INTU: variants seen among roughly 807,000 people sequenced by gnomAD.
INTU encodes the protein inturned planar cell polarity protein.
A neutral mutation model predicts 100.5 loss-of-function variants in INTU; 68 were observed. The observed-to-expected ratio is 0.68, with a 90% confidence interval of 0.56 to 0.83. INTU has a LOEUF of 0.83. Ranked by LOEUF, INTU falls within the 40% of genes least tolerant of loss-of-function variation. The pLI is 0.00. For missense variants in INTU, 1,071 were observed against 1,114.7 expected (o/e 0.96, Z 0.56); for synonymous variants, 357 against 395.7 (o/e 0.90, Z 1.16).
At chr4:127,677,381 C>T (rs1475258063) in intron 6 of INTU, among the ~76,000 whole-genome samples, 3 of 150,670 alleles carry the variant, frequency 2.0e-5, no homozygotes, top group Admixed American at 6.6e-5. Context: ...CCTCACACAG[C>T]AGGGTACTCC....
intron 4 of INTU, among the ~76,000 whole-genome samples, chr4:127,664,880 T>G (rs1728625884): frequency 6.6e-6 from 1 of 152,046 alleles, no homozygotes; most frequent in South Asian, 2.1e-4. Flanking sequence ...GCTATCTTCT[T>G]TAAAAATTTC....
At chr4:127,646,071 C>T (rs1420045189) in intron 2 of INTU, among the ~76,000 whole-genome samples, 6 of 151,632 alleles carry the variant, frequency 4.0e-5, no homozygotes, top group Admixed American at 1.3e-4. Flanking sequence ...GTAATCTCAG[C>T]TGCTGGGGAG....
chr4:127,704,067 G>A (rs1055448916), intron 9 of INTU, among the ~76,000 whole-genome samples, 161 bp from the exon 10 acceptor site: 1 of 152,100 alleles, frequency 6.6e-6, no homozygotes, highest in African/African-American at 2.4e-5. Flanking sequence ...TATGCATATT[G>A]TATTTCATCC....
At chr4:127,685,398 C>G in intron 7 of INTU, 1 of 453,356 alleles carries the variant, frequency 2.2e-6, no homozygotes, top group Non-Finnish European at 4.4e-6. Context: ...GATATCAGCT[C>G]TCTGTTTATC....
intron 1 of INTU, among the ~76,000 whole-genome samples, chr4:127,641,379 C>G (rs1022677815): frequency 6.6e-6 from 1 of 152,222 alleles, no homozygotes; most frequent in African/African-American, 2.4e-5. Context: ...CGCATTTACT[C>G]TGACAACTGC....
intron 4 of INTU, among the ~76,000 whole-genome samples, chr4:127,664,519 C>T (rs1728611248): frequency 6.6e-6 from 1 of 151,858 alleles, no homozygotes. Flanking sequence ...AATATTTATG[C>T]TTTATATATT....
chr4:127,715,051 T>C (rs1426070958), intron 15 of INTU, among the ~76,000 whole-genome samples: 4 of 152,084 alleles, frequency 2.6e-5, no homozygotes, highest in Non-Finnish European at 5.9e-5. Flanking sequence ...CTTATATATA[T>C]GTGTGTGTAT....
chr4:127,649,611 C>T lies in INTU; in HGVS notation c.682+5555C>T, dbSNP rs1373440037. On this transcript the variant is annotated intron_variant, in intron 2 of 15. Transcript: ENST00000335251. The stretch of plus-strand genomic sequence containing the variant: ...CAATGAGCATTTCCTTTGAGGGTCA[C>T]GTTGGTGCTCAAAAAGTTTTGGATT... Among the ~76,000 whole-genome samples the T allele has an allele frequency of 4.6e-5, 7 of 151,870 alleles. No homozygotes were observed. The East Asian group carries it at 1.3e-3, about 29-fold the overall frequency.
chr4:127,664,419 T>C (rs908588350), intron 4 of INTU, among the ~76,000 whole-genome samples: 4 of 152,042 alleles, frequency 2.6e-5, no homozygotes, highest in African/African-American at 9.7e-5. Context: ...CTTTTATTGG[T>C]TTCTTGTCTG....
rs202109717 is a variant in INTU at position 127,633,052 on chromosome 4, G to C, written c.18G>C (p.Ser6=). 3.1e-6 allele frequency: 5 copies of C among 1,613,370 alleles called. No individual in the cohort carries two copies. The highest frequency in any genetic ancestry group is 3.4e-6 in the Non-Finnish European group (4 of 1,179,382). Residue 6 remains serine (S), a synonymous_variant, in exon 1 of 16, where the codon TCG becomes TCC. Coordinates refer to ENST00000335251, the MANE Select transcript of INTU (RefSeq NM_015693.4). ...TCCTGACGATGGCCTCTGTGGCTTC[G>C]TGCGATTCGCGTCCGAGCTCAGACG... The part of the protein sequence containing the change: MASVA[S]CDSRPSSDEL...
At chr4:127,685,596 T>C in intron 7 of INTU, 1 of 374,890 alleles carries the variant, frequency 2.7e-6, no homozygotes, top group Non-Finnish European at 5.4e-6. Flanking sequence ...TGGGCATCCA[T>C]AAATAGTGCT....
chr4:127,689,231 G>A (rs1031286360), intron 8 of INTU, among the ~76,000 whole-genome samples: 9 of 151,820 alleles, frequency 5.9e-5, no homozygotes, highest in Admixed American at 2.6e-4. Context: ...CAATCTGCCC[G>A]CCTCAGTCTC....
At chr4:127,671,163 G>T (rs1394640409) in intron 5 of INTU, among the ~76,000 whole-genome samples, 1 of 151,972 alleles carries the variant, frequency 6.6e-6, no homozygotes, top group African/African-American at 2.4e-5. Flanking sequence ...AAATAGTCCA[G>T]AGTCAATAGA....
At chr4:127,694,747 G>A (rs112022323) in intron 8 of INTU, among the ~76,000 whole-genome samples, 4 of 152,216 alleles carry the variant, frequency 2.6e-5, no homozygotes, top group South Asian at 2.1e-4. Flanking sequence ...AGTTGTTCTA[G>A]CACCATTTGT....
intron 6 of INTU, chr4:127,675,952 C>A: frequency 3.3e-6 from 1 of 302,112 alleles, no homozygotes; most frequent in Non-Finnish European, 7.2e-6. Context: ...AGGAATTAAG[C>A]CTCACTTCTT....
chr4:127,682,985 A>C (rs1729651858), intron 6 of INTU, among the ~76,000 whole-genome samples: 1 of 152,114 alleles, frequency 6.6e-6, no homozygotes, highest in African/African-American at 2.4e-5. Context: ...GAACTGAGCA[A>C]AGGCTGTTCA....
intron 2 of INTU, among the ~76,000 whole-genome samples, chr4:127,644,655 C>T (rs1335545911): frequency 6.6e-6 from 1 of 152,042 alleles, no homozygotes; most frequent in Admixed American, 6.6e-5. Flanking sequence ...TTAAGATGAA[C>T]ATTTTGTGTT....
Position 127,643,694 on chromosome 4 carries a change from A to C in INTU, c.320A>C (p.Tyr107Ser). Residue 107 changes from tyrosine (Y) to serine (S), a missense_variant, in exon 2 of 16, where the codon TAT (tyrosine) becomes TCT (serine). Transcript: ENST00000335251. Reference sequence around the variant, plus strand: ...GATGACTACAAAGAAAGAAAAAAGTATGAACCCAAACTCAAGCAGTTTACC... The same window carrying C: ...GATGACTACAAAGAAAGAAAAAAGTCTGAACCCAAACTCAAGCAGTTTACC... Reference protein sequence around the residue: ...IEDDYKERKKYEPKLKQFTKI... With the variant: ...IEDDYKERKKSEPKLKQFTKI... The C allele has an allele frequency of 6.2e-7, 1 of 1,612,460 alleles. No homozygotes were observed. Among genetic ancestry groups the C allele is most frequent in the Non-Finnish European group, 8.5e-7 (1 of 1,179,694 alleles).
At chr4:127,669,588 G>A (rs1189760469) in intron 5 of INTU, among the ~76,000 whole-genome samples, 1 of 151,706 alleles carries the variant, frequency 6.6e-6, no homozygotes, top group African/African-American at 2.4e-5. Flanking sequence ...AAACAGAATT[G>A]GCAAGAATGA....
Sources: allele counts gnomAD v4.1 joint callset (sites outside exome capture counted in the v4.1 genomes callset), GRCh38; gene constraint gnomAD v4.1.1; transcripts MANE v1.5; gene names NCBI Gene and HGNC (gene_info 2026-07-23, HGNC 2026-07-21).